MARCHF1: variants seen among roughly 807,000 people sequenced by gnomAD.
MARCHF1 encodes membrane associated ring-CH-type finger 1.
MARCHF1 carries 40 observed loss-of-function variants against 54.2 expected under a neutral mutation model. That is an observed-to-expected ratio of 0.74 (90% confidence interval 0.57 to 0.96). The LOEUF is 0.96. MARCHF1 is among the 40% of genes least tolerant of loss of function. The pLI, the probability that MARCHF1 is intolerant of heterozygous loss-of-function variation, is 0.00. For synonymous variants in MARCHF1, 236 were observed against 236.3 expected (o/e 1.00, Z 0.01); for missense variants, 586 against 656.5 (o/e 0.89, Z 1.17).
intron 1 of MARCHF1, among the ~76,000 whole-genome samples, chr4:164,283,336 C>A (rs1734071049): frequency 6.6e-6 from 1 of 150,758 alleles, no homozygotes. Context: ...CTTTTCCTCC[C>A]TCCTCAATAT....
At chr4:164,202,926 TTA>T (rs1420260524) in intron 1 of MARCHF1, among the ~76,000 whole-genome samples, 1 of 151,916 alleles carries the variant, frequency 6.6e-6, no homozygotes, top group Admixed American at 6.6e-5. Flanking sequence ...CCATCCACCA[TTA>T]AACCAAAATG....
At chr4:164,321,104 A>G (rs57419485) in intron 1 of MARCHF1, among the ~76,000 whole-genome samples, 14,920 of 152,186 alleles carry the variant, frequency 0.098, 807 homozygotes, top group Middle Eastern at 0.12. Flanking sequence ...AAAGTAATAT[A>G]AGAGTATATC....
intron 9 of MARCHF1, among the ~76,000 whole-genome samples, chr4:163,533,813 G>C (rs529320138): frequency 6.6e-6 from 1 of 151,404 alleles, no homozygotes; most frequent in African/African-American, 2.4e-5. Context: ...TAGGTATTTG[G>C]AAATTGGTAA....
At chr4:164,028,195 AT>A (rs2110985122) in intron 2 of MARCHF1, among the ~76,000 whole-genome samples, 1 of 152,346 alleles carries the variant, frequency 6.6e-6, no homozygotes, top group Admixed American at 6.5e-5. Flanking sequence ...CAGAGCTACA[AT>A]TTGACCTAGA....
chr4:163,720,739 T>A (rs112989118), intron 4 of MARCHF1, among the ~76,000 whole-genome samples: 12 of 152,246 alleles, frequency 7.9e-5, no homozygotes, highest in African/African-American at 2.9e-4. Flanking sequence ...GAAGAGGTCC[T>A]TCACATCCCT....
intron 4 of MARCHF1, among the ~76,000 whole-genome samples, chr4:163,834,883 CTTGT>C (rs1205313962): frequency 3.3e-5 from 5 of 151,708 alleles, no homozygotes; most frequent in African/African-American, 1.2e-4. Flanking sequence ...ATTTAATCTT[CTTGT>C]TTATTTTTTT....
intron 1 of MARCHF1, among the ~76,000 whole-genome samples, chr4:164,225,848 T>G (rs1453411705): frequency 6.6e-6 from 1 of 152,046 alleles, no homozygotes; most frequent in African/African-American, 2.4e-5. Flanking sequence ...TTAAAAGATT[T>G]CCTACTTGTT....
chr4:163,844,908 C>T (rs1477074536), intron 4 of MARCHF1, among the ~76,000 whole-genome samples: 1 of 152,078 alleles, frequency 6.6e-6, no homozygotes, highest in African/African-American at 2.4e-5. Context: ...AGGTTAAGAA[C>T]CATCATGCTA....
intron 3 of MARCHF1, among the ~76,000 whole-genome samples, chr4:163,881,105 C>G (rs778500781): frequency 1.2e-4 from 19 of 152,296 alleles, no homozygotes; most frequent in Middle Eastern, 3.4e-3. Context: ...TAGCTTCATC[C>G]ATTCATGATC....
chr4:163,531,056 A>G (rs1738331093), intron 9 of MARCHF1, among the ~76,000 whole-genome samples: 2 of 151,902 alleles, frequency 1.3e-5, no homozygotes, highest in African/African-American at 4.8e-5. Flanking sequence ...TCTACCAAAC[A>G]TTTAAAGAAG....
In MARCHF1 at chr4:163,599,730, C is replaced by T. The variant is rs144926973; in HGVS notation, c.1010+12541G>A. Among the ~76,000 whole-genome samples the T allele has an allele frequency of 2.9e-3, 436 of 152,264 alleles. 4 individuals carry two copies. Among genetic ancestry groups the T allele is most frequent in the African/African-American group, 1.0e-2 (415 of 41,548 alleles). ...CTAGATGGCTAGGTCCCACTCCCAG[C>T]GTTTCTGATTCCATAGGTCTGGATT... On this transcript the variant is annotated intron_variant, in intron 7 of 9. Transcript: ENST00000514618.
At chr4:163,927,396 G>A (rs915437481) in intron 3 of MARCHF1, among the ~76,000 whole-genome samples, 3 of 151,658 alleles carry the variant, frequency 2.0e-5, no homozygotes, top group Admixed American at 1.3e-4. Context: ...AAAATTTAAC[G>A]TGGGAATTTT....
At chr4:163,742,824 T>C (rs1166052069) in intron 4 of MARCHF1, among the ~76,000 whole-genome samples, 1 of 152,164 alleles carries the variant, frequency 6.6e-6, no homozygotes, top group Non-Finnish European at 1.5e-5. Context: ...CACCTACAAA[T>C]CTGTATTTTA....
At chr4:164,347,446 A>T (rs1730140794) in intron 1 of MARCHF1, among the ~76,000 whole-genome samples, 1 of 152,168 alleles carries the variant, frequency 6.6e-6, no homozygotes, top group South Asian at 2.1e-4. Flanking sequence ...CACTCAGCCA[A>T]GGGGCTTGAC....
At chr4:163,718,681 C>A (rs902890860) in intron 4 of MARCHF1, among the ~76,000 whole-genome samples, 2 of 152,040 alleles carry the variant, frequency 1.3e-5, no homozygotes, top group Non-Finnish European at 2.9e-5. Flanking sequence ...GGTTAACAAG[C>A]CTTTTTTTTC....
chr4:164,287,458 G>A (rs1218976207), intron 1 of MARCHF1, among the ~76,000 whole-genome samples: 3 of 152,118 alleles, frequency 2.0e-5, no homozygotes, highest in African/African-American at 7.2e-5. Context: ...AGATGTCGTG[G>A]AACATCCTGA....
chr4:164,028,488 A>G (rs943002665), intron 2 of MARCHF1, among the ~76,000 whole-genome samples: 2 of 152,250 alleles, frequency 1.3e-5, no homozygotes, highest in African/African-American at 4.8e-5. Flanking sequence ...ACCAAATACC[A>G]CATGTTCTCA....
chr4:163,964,193 T>A (rs866727464), intron 3 of MARCHF1, among the ~76,000 whole-genome samples: 1 of 152,122 alleles, frequency 6.6e-6, no homozygotes, highest in East Asian at 1.9e-4. Flanking sequence ...ATTTAGCAAA[T>A]TTTACTGGTG....
intron 1 of MARCHF1, among the ~76,000 whole-genome samples, chr4:164,328,584 C>T (rs1468615201): frequency 1.3e-5 from 2 of 151,222 alleles, no homozygotes; most frequent in Non-Finnish European, 2.9e-5. Flanking sequence ...GGCTGGAGTG[C>T]AATGGTGCAA....
Sources: gnomAD v4.1 joint callset for allele counts (sites outside exome capture counted in the v4.1 genomes callset) on GRCh38, gnomAD v4.1.1 for gene constraint, MANE v1.5 for transcripts, NCBI Gene and HGNC (gene_info 2026-07-23, HGNC 2026-07-21) for gene names.